Variants in GARNL3 observed in about 807,000 individuals in gnomAD.
The protein encoded by GARNL3 is GTPase-activating Rap/Ran-GAP domain-like protein 3.
GARNL3 carries 63 observed loss-of-function variants against 125.0 expected under a neutral mutation model. The ratio of observed to expected loss-of-function variants is 0.50; its 90% CI spans 0.41 to 0.62. GARNL3 has a LOEUF of 0.62. GARNL3 is among the 20% of genes least tolerant of loss of function. The probability of loss-of-function intolerance (pLI) is 0.00; values close to 1 mark genes in which losing one functional copy is unlikely to be tolerated. For missense variants in GARNL3, 994 were observed against 1,244.0 expected, an observed-to-expected ratio of 0.80 and a Z score of 3.02; for synonymous variants, 439 against 457.5, an observed-to-expected ratio of 0.96 and a Z score of 0.52.
intron 22 of GARNL3, among the ~76,000 whole-genome samples, chr9:127,379,344 C>T (rs1832118595): frequency 6.6e-6 from 1 of 152,158 alleles, no homozygotes; most frequent in African/African-American, 2.4e-5. Context: ...GTTCTAATGG[C>T]CTTGCAATTA....
chr9:127,330,888 G>A (rs1216629415), intron 7 of GARNL3, among the ~76,000 whole-genome samples: 1 of 152,094 alleles, frequency 6.6e-6, no homozygotes, highest in Non-Finnish European at 1.5e-5. Context: ...AGGTGTGTTG[G>A]GGACAGAAAA....
intron 15 of GARNL3, 54 bp from the exon 16 acceptor site, chr9:127,345,349 C>T (rs1401634984): frequency 1.8e-6 from 2 of 1,098,722 alleles, no homozygotes; most frequent in Non-Finnish European, 1.3e-6. Flanking sequence ...AATTGTTTAT[C>T]CTGCTGTACT....
rs745331884 is a variant in GARNL3 at position 127,248,596 on chromosome 9, C to CTTTTTTTTTTTTTTTTTTTT, written c.143+5354_143+5373dup. ...TTATTTTCTTCTGCTTTTTTCTTTTCTTTTTTTTTTTTTTTTTTTTTTTTT... is the reference window on the plus strand; with the variant it reads ...TTATTTTCTTCTGCTTTTTTCTTTTCTTTTTTTTTTTTTTTTTTTTTTTTTTTTTTTTTTTTTTTTTTTTT... On this transcript the variant is annotated intron_variant, in intron 2 of 10. Transcript: ENST00000439286. Among the ~76,000 whole-genome samples, 17 of 74,590 alleles carry CTTTTTTTTTTTTTTTTTTTT rather than the reference C, an allele frequency of 2.3e-4. 2 individuals are homozygous for CTTTTTTTTTTTTTTTTTTTT. The highest frequency in any genetic ancestry group is 8.3e-4 in the African/African-American group (14 of 16,872). The allele number at this position is 74,590 out of a possible 152,430, so 48.9% of individuals were successfully genotyped here. A position where few individuals can be genotyped will look rare whatever the true frequency, so the allele number is the denominator to read the frequency against.
intron 2 of GARNL3, among the ~76,000 whole-genome samples, chr9:127,304,692 C>T (rs1202776753): frequency 6.6e-6 from 1 of 151,954 alleles, no homozygotes; most frequent in Non-Finnish European, 1.5e-5. Flanking sequence ...TGCGCCACCA[C>T]ACCTGGCTAA....
chr9:127,345,275 A>T (rs79917443), intron 15 of GARNL3, 128 bp from the exon 16 acceptor site: 35 of 534,822 alleles, frequency 6.5e-5, no homozygotes, highest in Non-Finnish European at 1.0e-4. Context: ...TTAACAAGTC[A>T]GTAGAGGAAC....
chr9:127,323,210 A>T (rs1360454094), intron 6 of GARNL3, among the ~76,000 whole-genome samples: 2 of 152,230 alleles, frequency 1.3e-5, no homozygotes, highest in African/African-American at 2.4e-5. Flanking sequence ...CTGGGCTAAA[A>T]TTACACACTA....
intron 22 of GARNL3, among the ~76,000 whole-genome samples, chr9:127,381,219 T>C (rs942244076): frequency 6.6e-6 from 1 of 152,218 alleles, no homozygotes; most frequent in African/African-American, 2.4e-5. Context: ...GGTCTATAAA[T>C]GATCTCAGTA....
chr9:127,318,207 T>A, intron 5 of GARNL3, 80 bp downstream of exon 5: 2 of 877,356 alleles, frequency 2.3e-6, no homozygotes, highest in South Asian at 2.6e-5. Flanking sequence ...CATTCTGATG[T>A]TACCTTTCCA....
intron 1 of GARNL3, among the ~76,000 whole-genome samples, chr9:127,287,941 T>A (rs2131358994): frequency 6.6e-6 from 1 of 152,354 alleles, no homozygotes; most frequent in East Asian, 1.9e-4. Context: ...TGTTTTTATA[T>A]CCCTTTGGCC....
rs775983918 is a variant in GARNL3 at position 127,332,366 on chromosome 9, C to A, written c.670+17C>A. On this transcript the variant is annotated intron_variant, in intron 8 of 27. Coordinates refer to ENST00000373387, the MANE Select transcript of GARNL3 (RefSeq NM_032293.5). ...TCAGCAATGGTGAGTGATCTCCTCC[C>A]GCTCTCTGCTGCCAGAGACCCTGTC... 1.9e-6 allele frequency: 3 copies of A among 1,604,810 alleles called. No homozygotes were observed. The highest frequency in any genetic ancestry group is 2.6e-6 in the Non-Finnish European group (3 of 1,171,664).
At chr9:127,332,066 A>G (rs1278751887) in intron 7 of GARNL3, among the ~76,000 whole-genome samples, 1 of 152,094 alleles carries the variant, frequency 6.6e-6, no homozygotes, top group African/African-American at 2.4e-5. Context: ...AAAAGCATAC[A>G]GTCTCATCTG....
chr9:127,261,170 T>G (rs1026805691), upstream of GARNL3, among the ~76,000 whole-genome samples: 5 of 151,942 alleles, frequency 3.3e-5, no homozygotes, highest in Non-Finnish European at 7.4e-5. Context: ...GCATGAGAAT[T>G]GCTTGAACCC....
intron 6 of GARNL3, among the ~76,000 whole-genome samples, chr9:127,324,027 A>C (rs942531050): frequency 3.3e-5 from 5 of 152,112 alleles, no homozygotes; most frequent in African/African-American, 1.2e-4. Context: ...AAGCAGGAGG[A>C]TTGCTTGAGC....
chr9:127,372,532 C>G (rs146637636), intron 22 of GARNL3, among the ~76,000 whole-genome samples: 1 of 152,266 alleles, frequency 6.6e-6, no homozygotes, highest in African/African-American at 2.4e-5. Context: ...TATGCAAGAA[C>G]TCTGGGACCC....
chr9:127,240,655 C>T (rs1429896870), intron 1 of GARNL3, among the ~76,000 whole-genome samples: 1 of 152,336 alleles, frequency 6.6e-6, no homozygotes, highest in Middle Eastern at 3.4e-3. Flanking sequence ...GTAATCCCAA[C>T]ACTTTGGGAA....
At chr9:127,300,920 G>A (rs1427029265) in intron 2 of GARNL3, 14 of 223,210 alleles carry the variant, frequency 6.3e-5, no homozygotes, top group South Asian at 1.2e-4. Context: ...CATCTAACTC[G>A]GCCCTGTTCC....
chr9:127,276,130 C>CTT (rs397756190), intron 1 of GARNL3, among the ~76,000 whole-genome samples: 19 of 144,384 alleles, frequency 1.3e-4, no homozygotes, highest in South Asian at 8.9e-4. Context: ...TCAACTCTGC[C>CTT]TTTTTTTTTT....
At chr9:127,375,140 G>A (rs1025757601) in intron 22 of GARNL3, among the ~76,000 whole-genome samples, 8 of 152,202 alleles carry the variant, frequency 5.3e-5, no homozygotes, top group African/African-American at 1.4e-4. Context: ...TGGCCCAGCC[G>A]TTCCACTTCT....
At chr9:127,383,394 G>A (rs1477492107) in intron 22 of GARNL3, 44 bp from the exon 23 acceptor site, 1 of 1,199,360 alleles carries the variant, frequency 8.3e-7, no homozygotes, top group African/African-American at 1.5e-5. Context: ...AGTCATCTAA[G>A]TGTTGTCTCT....
Sources: allele counts gnomAD v4.1 joint callset (sites outside exome capture counted in the v4.1 genomes callset), GRCh38; gene constraint gnomAD v4.1.1; transcripts MANE v1.5; gene names NCBI Gene and HGNC (gene_info 2026-07-23, HGNC 2026-07-21).